Variants in PRKG1 observed in about 807,000 individuals in gnomAD.
PRKG1 encodes protein kinase cGMP-dependent 1.
In PRKG1, 35 loss-of-function variants were observed where a neutral mutation model predicts 88.1. The ratio of observed to expected loss-of-function variants is 0.40; its 90% CI spans 0.30 to 0.53. The LOEUF (loss-of-function observed/expected upper bound fraction) is 0.53, where lower values mean the gene tolerates loss of function less well. Among genes scored for constraint, PRKG1 ranks in the 20% least tolerant of loss-of-function variants. The pLI is 0.59. For synonymous variants in PRKG1, 303 were observed against 292.5 expected (o/e 1.04, Z -0.37); for missense variants, 540 against 839.8 (o/e 0.64, Z 4.41).
In PRKG1 at chr10:51,778,111, C is replaced by T. The variant is rs531248926; in HGVS notation, c.593-26474C>T. On this transcript the variant is annotated intron_variant, in intron 3 of 17. Transcript: ENST00000373980. ...TTGTTTCTTCACAGTGTAAGCTTTA[C>T]GATTAAATAACTTGACATTTCCAGT... Among the ~76,000 whole-genome samples the T allele has an allele frequency of 2.3e-4, 35 of 152,192 alleles. No homozygotes were observed. In the South Asian group the frequency reaches 7.1e-3, roughly 31 times the overall value.
rs374502192 is a variant in PRKG1 at position 51,714,449 on chromosome 10, GA to G, written c.593-90135del. 7.4e-4 allele frequency among the ~76,000 whole-genome samples: 112 copies of G among 152,278 alleles called. 2 individuals are homozygous for G. The South Asian group carries it at 0.013, about 17-fold the overall frequency. ...GGTGGGAGACTTAAGGCACATTTAT[GA>G]CAACGAAAATAGTAGAATGAAAGAA... On this transcript the variant is annotated intron_variant, in intron 3 of 17. Coordinates refer to ENST00000373980, the MANE Select transcript of PRKG1 (RefSeq NM_006258.4).
chr10:51,924,230 G>A (rs1346555768), intron 5 of PRKG1, among the ~76,000 whole-genome samples: 1 of 152,100 alleles, frequency 6.6e-6, no homozygotes, highest in Non-Finnish European at 1.5e-5. Flanking sequence ...CAGGTCTACT[G>A]TTAACAAATT....
At chr10:51,638,265 C>T (rs933318385) in intron 3 of PRKG1, among the ~76,000 whole-genome samples, 1 of 152,070 alleles carries the variant, frequency 6.6e-6, no homozygotes. Flanking sequence ...ATTTTGGAAT[C>T]TCATCTTAAA....
chr10:51,115,899 G>A lies in PRKG1; in HGVS notation c.312-37265G>A, dbSNP rs76498227. Among the ~76,000 whole-genome samples, 1,456 of 151,592 alleles carry A rather than the reference G, an allele frequency of 9.6e-3. 26 individuals are homozygous for A. Among genetic ancestry groups the A allele is most frequent in the African/African-American group, 0.034 (1,389 of 41,348 alleles). On this transcript the variant is annotated intron_variant, in intron 1 of 17. Coordinates refer to ENST00000373980, the MANE Select transcript of PRKG1 (RefSeq NM_006258.4). The stretch of plus-strand genomic sequence containing the variant: ...AAATTCCTTTTTAAGAATTGTCATA[G>A]TGCAAACATAGAGAAGAAATCAGGG...
Position 52,199,247 on chromosome 10 carries a change from T to C in PRKG1, c.1076+37284T>C, listed in dbSNP as rs147415898. 5.8e-3 allele frequency among the ~76,000 whole-genome samples: 878 copies of C among 152,314 alleles called. 2 individuals are homozygous for C. The highest frequency in any genetic ancestry group is 0.014 in the South Asian group (70 of 4,830). On this transcript the variant is annotated intron_variant, in intron 9 of 17. Transcript: ENST00000373980. ...CTTTTAAAGACTACTAGGTACTTAA[T>C]GTATTATCCTCCCTATCGTATTATC... is the stretch of plus-strand genomic sequence containing the variant.
At chr10:52,196,489 A>G (rs1839510585) in intron 9 of PRKG1, among the ~76,000 whole-genome samples, 1 of 152,228 alleles carries the variant, frequency 6.6e-6, no homozygotes, top group Admixed American at 6.5e-5. Flanking sequence ...AAGGAAATTA[A>G]TTAAAACATA....
At chr10:51,897,691 G>T (rs1316392681) in intron 4 of PRKG1, among the ~76,000 whole-genome samples, 8 of 151,992 alleles carry the variant, frequency 5.3e-5, no homozygotes, top group Admixed American at 1.3e-4. Flanking sequence ...CAGTCTACTA[G>T]GAAATCATGT....
intron 2 of PRKG1, among the ~76,000 whole-genome samples, chr10:51,224,127 G>C (rs1276975569): frequency 6.6e-6 from 1 of 152,154 alleles, no homozygotes; most frequent in Non-Finnish European, 1.5e-5. Flanking sequence ...TGTATTTTGT[G>C]GTTTTGTGTA....
intron 2 of PRKG1, among the ~76,000 whole-genome samples, chr10:51,263,909 CA>C (rs1481832195): frequency 6.6e-6 from 1 of 152,130 alleles, no homozygotes; most frequent in Non-Finnish European, 1.5e-5. Flanking sequence ...GGATTATTCT[CA>C]AATATGGTAA....
intron 3 of PRKG1, among the ~76,000 whole-genome samples, chr10:51,565,601 T>G (rs905602734): frequency 6.6e-6 from 1 of 152,080 alleles, no homozygotes; most frequent in African/African-American, 2.4e-5. Flanking sequence ...ATTTAAGTAT[T>G]AAAGTGGATA....
intron 9 of PRKG1, among the ~76,000 whole-genome samples, chr10:52,249,798 T>C (rs1227459164): frequency 6.6e-6 from 1 of 151,800 alleles, no homozygotes; most frequent in East Asian, 1.9e-4. Context: ...CACTCTAGCC[T>C]CAGCCTGGGT....
At chr10:51,424,557 T>C (rs1025674349) in intron 2 of PRKG1, among the ~76,000 whole-genome samples, 1 of 152,174 alleles carries the variant, frequency 6.6e-6, no homozygotes. Flanking sequence ...ATTATATCCA[T>C]GTGATCATGT....
intron 2 of PRKG1, among the ~76,000 whole-genome samples, chr10:51,426,768 G>A (rs1838600164): frequency 6.6e-6 from 1 of 152,078 alleles, no homozygotes; most frequent in African/African-American, 2.4e-5. Context: ...TCTGTTGCTG[G>A]GTAGATTTTG....
chr10:51,294,939 T>C lies in PRKG1; in HGVS notation c.478+141609T>C, dbSNP rs112299096. On this transcript the variant is annotated intron_variant, in intron 2 of 17. Coordinates refer to ENST00000373980, the MANE Select transcript of PRKG1 (RefSeq NM_006258.4). ...AAATTTGAAACATAAAAAAATTTCC[T>C]GGGTATGGTGGCACTTGCCTGTAGT... Among the ~76,000 whole-genome samples the C allele has an allele frequency of 4.8e-3, 725 of 152,138 alleles. 7 individuals carry two copies. Among genetic ancestry groups the C allele is most frequent in the African/African-American group, 0.016 (684 of 41,518 alleles).
intron 3 of PRKG1, among the ~76,000 whole-genome samples, chr10:51,758,513 A>G (rs1837930571): frequency 6.6e-6 from 1 of 152,054 alleles, no homozygotes; most frequent in African/African-American, 2.4e-5. Flanking sequence ...AGAAGGGGAG[A>G]CGACAACAGG....
chr10:52,256,050 G>A (rs1041934723), intron 10 of PRKG1, among the ~76,000 whole-genome samples: 1 of 141,364 alleles, frequency 7.1e-6, no homozygotes, highest in Non-Finnish European at 1.6e-5. Flanking sequence ...CATTGAAAGA[G>A]CTGTTGTTAT....
At chr10:51,782,693 G>A (rs1377954918) in intron 3 of PRKG1, among the ~76,000 whole-genome samples, 2 of 152,090 alleles carry the variant, frequency 1.3e-5, no homozygotes, top group Non-Finnish European at 2.9e-5. Flanking sequence ...TAGTGAATAA[G>A]TCTCACAGGA....
chr10:51,884,179 G>C (rs1841504998), intron 4 of PRKG1, among the ~76,000 whole-genome samples: 1 of 151,774 alleles, frequency 6.6e-6, no homozygotes, highest in South Asian at 2.1e-4. Flanking sequence ...GGGCGCGGTG[G>C]CTCACGCCTG....
At chr10:52,277,015 C>T (rs1841888475) in intron 12 of PRKG1, among the ~76,000 whole-genome samples, 1 of 152,050 alleles carries the variant, frequency 6.6e-6, no homozygotes, top group South Asian at 2.1e-4. Flanking sequence ...GTGAAAGATA[C>T]TCAATATAGA....
Sources: gnomAD v4.1 joint callset for allele counts (sites outside exome capture counted in the v4.1 genomes callset) on GRCh38, gnomAD v4.1.1 for gene constraint, MANE v1.5 for transcripts, NCBI Gene and HGNC (gene_info 2026-07-23, HGNC 2026-07-21) for gene names.